The following CCDC92B variants were observed in gnomAD, a reference collection of about 807,000 sequenced individuals.
CCDC92B encodes coiled-coil domain containing 92B, also known as coiled-coil domain-containing 92B.
In CCDC92B, 2 loss-of-function variants were observed where a neutral mutation model predicts 5.6. The ratio of observed to expected loss-of-function variants is 0.36; its 90% CI spans 0.15 to 1.12. The LOEUF is 1.12. Among genes scored for constraint, CCDC92B ranks in the 50% most tolerant of loss-of-function variants. The probability of loss-of-function intolerance (pLI) is 0.40; values close to 1 mark genes in which losing one functional copy is unlikely to be tolerated. For synonymous variants in CCDC92B, 115 were observed against 122.3 expected, an observed-to-expected ratio of 0.94 and a Z score of 0.39; for missense variants, 271 against 262.2, an observed-to-expected ratio of 1.03 and a Z score of -0.23.
intron 1 of CCDC92B, among the ~76,000 whole-genome samples, chr17:2,742,767 C>T (rs2070938446): frequency 1.3e-5 from 2 of 152,076 alleles, no homozygotes; most frequent in Non-Finnish European, 2.9e-5. Context: ...TGAGGATATC[C>T]CTCAAACTTT....
chr17:2,727,298 G>A (rs2070740544), intron 3 of CCDC92B, among the ~76,000 whole-genome samples: 1 of 152,184 alleles, frequency 6.6e-6, no homozygotes, highest in African/African-American at 2.4e-5. Context: ...CTGTTTCCTG[G>A]GCGCTATGAA....
chr17:2,732,879 G>A (rs2070811215), intron 2 of CCDC92B, among the ~76,000 whole-genome samples: 1 of 151,702 alleles, frequency 6.6e-6, no homozygotes, highest in South Asian at 2.1e-4. Flanking sequence ...CGGGCGTGTT[G>A]GCAGGCGCCT....
intron 1 of CCDC92B, among the ~76,000 whole-genome samples, chr17:2,745,090 A>AAAAAAAAAAAAT (rs72203225): frequency 7.0e-6 from 1 of 143,000 alleles, no homozygotes; most frequent in Non-Finnish European, 1.5e-5. Flanking sequence ...AAAAAAAAAA[A>AAAAAAAAAAAAT]GATAAAATAA....
In CCDC92B at chr17:2,723,964, C is replaced by CGGGGGTGGGGGAGGCG. The variant is rs947195912; in HGVS notation, c.*431_*446dup. 6.2e-6 allele frequency: 4 copies of CGGGGGTGGGGGAGGCG among 646,568 alleles called. No individual in the cohort carries two copies. The highest frequency in any genetic ancestry group is 7.9e-5 in the South Asian group (1 of 12,672). 40.1% of individuals were successfully genotyped at this position (646,568 alleles called of 1,614,324 possible). On this transcript the variant is annotated 3_prime_UTR_variant, in exon 4 of 4. Transcript: ENST00000614400. ...AGGCTTGGCGGGAAGGGCGTCGGCGCGGGGGTGGGGGAGGCGGGGGGTGGG... is the reference window on the plus strand; with the variant it reads ...AGGCTTGGCGGGAAGGGCGTCGGCGCGGGGGTGGGGGAGGCGGGGGGTGGGGGAGGCGGGGGGTGGG...
Position 2,728,561 on chromosome 17 carries a change from C to G in CCDC92B, c.178+1885G>C, listed in dbSNP as rs141377644. ...GAGCTTGCAGTGAGCCGAGACCGCA[C>G]CACTGCACTCCAGCCTGGGCGACAG... On this transcript the variant is annotated intron_variant, in intron 3 of 3. Transcript: ENST00000614400. 6.7e-3 allele frequency among the ~76,000 whole-genome samples: 1,022 copies of G among 151,772 alleles called. 8 individuals are homozygous for G. The highest frequency in any genetic ancestry group is 0.024 in the African/African-American group (977 of 41,374).
intron 3 of CCDC92B, among the ~76,000 whole-genome samples, chr17:2,726,191 T>A (rs1054476916): frequency 6.7e-6 from 1 of 149,474 alleles, no homozygotes; most frequent in African/African-American, 2.5e-5. Flanking sequence ...TATTTTTTTT[T>A]TTTTGAGATG....
intron 1 of CCDC92B, among the ~76,000 whole-genome samples, chr17:2,739,177 C>G (rs1360961787): frequency 1.3e-5 from 2 of 150,828 alleles, no homozygotes; most frequent in Non-Finnish European, 2.9e-5. Context: ...ACCATCCTGG[C>G]TAACATGGTA....
intron 1 of CCDC92B, among the ~76,000 whole-genome samples, chr17:2,737,812 C>G (rs1052171195): frequency 6.6e-6 from 1 of 151,970 alleles, no homozygotes; most frequent in South Asian, 2.1e-4. Flanking sequence ...AGGGGTGGCC[C>G]TTTGGCCTGT....
chr17:2,729,906 G>A (rs140370978), intron 3 of CCDC92B, among the ~76,000 whole-genome samples: 32 of 152,156 alleles, frequency 2.1e-4, no homozygotes, highest in African/African-American at 7.0e-4. Flanking sequence ...TTCTTTTCTC[G>A]TATAGAACAA....
chr17:2,724,222 A>T lies in CCDC92B; in HGVS notation c.*189T>A. The T allele has an allele frequency of 1.0e-5, 10 of 985,230 alleles. No individual in the cohort carries two copies. The highest frequency in any genetic ancestry group is 1.2e-5 in the Non-Finnish European group (10 of 829,872). The allele number at this position is 985,230 out of a possible 1,614,324, so 61.0% of individuals were successfully genotyped here. On this transcript the variant is annotated 3_prime_UTR_variant, in exon 4 of 4. Coordinates refer to ENST00000614400, the MANE Select transcript of CCDC92B (RefSeq NM_001355573.2). This position sits in a 1 kb window ranked among gnomAD's most constrained non-coding sequence, Gnocchi z 5.0. The stretch of plus-strand genomic sequence containing the variant: ...AACTCTCGCGCGAGGAGAGGGCTCG[A>T]AGCTTTGGAAACGTCGGGAAGTACA...
At chr17:2,728,450 C>CA (rs955328339) in intron 3 of CCDC92B, among the ~76,000 whole-genome samples, 19 of 151,812 alleles carry the variant, frequency 1.3e-4, no homozygotes, top group East Asian at 5.8e-4. Context: ...ACTAAAAATA[C>CA]AAAAAATGAG....
At chr17:2,739,191 C>T (rs541950479) in intron 1 of CCDC92B, among the ~76,000 whole-genome samples, 7 of 150,100 alleles carry the variant, frequency 4.7e-5, no homozygotes, top group East Asian at 2.0e-4. Context: ...CATGGTAGAA[C>T]CCCATCTCTA....
intron 1 of CCDC92B, chr17:2,748,132 C>A: frequency 1.9e-6 from 1 of 531,830 alleles, no homozygotes. Flanking sequence ...ATTTAGCAGT[C>A]CACATCTGCA....
At chr17:2,736,077 G>A (rs1241311734) in intron 1 of CCDC92B, among the ~76,000 whole-genome samples, 1 of 152,182 alleles carries the variant, frequency 6.6e-6, no homozygotes, top group East Asian at 1.9e-4. Flanking sequence ...GGAAGATCTG[G>A]TGAATGTTTC....
chr17:2,740,168 ACG>A (rs2070910625), intron 1 of CCDC92B, among the ~76,000 whole-genome samples: 1 of 152,070 alleles, frequency 6.6e-6, no homozygotes, highest in Non-Finnish European at 1.5e-5. Flanking sequence ...GAGTTCCAGG[ACG>A]GTCCCCAAGA....
chr17:2,740,560 G>A (rs1597244309), intron 1 of CCDC92B, among the ~76,000 whole-genome samples: 2 of 151,960 alleles, frequency 1.3e-5, no homozygotes, highest in Admixed American at 1.3e-4. Context: ...CTACTCAGGA[G>A]GCTGAAGCAG....
At chr17:2,736,968 A>G (rs930005071) in intron 1 of CCDC92B, among the ~76,000 whole-genome samples, 1 of 151,760 alleles carries the variant, frequency 6.6e-6, no homozygotes, top group African/African-American at 2.4e-5. Flanking sequence ...GGAGAGGGGA[A>G]GAGAGACTCA....
At chr17:2,732,018 C>T (rs1051235071) in intron 2 of CCDC92B, among the ~76,000 whole-genome samples, 4 of 152,230 alleles carry the variant, frequency 2.6e-5, no homozygotes, top group East Asian at 3.8e-4. Flanking sequence ...TCAGTTTTCT[C>T]GTCTGGAAAA....
At chr17:2,746,046 A>G (rs1417510131) in intron 1 of CCDC92B, among the ~76,000 whole-genome samples, 1 of 151,306 alleles carries the variant, frequency 6.6e-6, no homozygotes, top group Non-Finnish European at 1.5e-5. Flanking sequence ...CAATGGCACA[A>G]TCTCGGCTCA....
Sources: allele counts gnomAD v4.1 joint callset (sites outside exome capture counted in the v4.1 genomes callset), GRCh38; gene constraint gnomAD v4.1.1; non-coding constraint Gnocchi (gnomAD v3.1); transcripts MANE v1.5; gene names NCBI Gene and HGNC (gene_info 2026-07-23, HGNC 2026-07-21).